CALCA: variants seen among roughly 807,000 people sequenced by gnomAD.
CALCA encodes calcitonin.
Under a neutral mutation model 6.9 loss-of-function variants are expected in CALCA, and 4 were observed. The observed-to-expected ratio is 0.58, with a 90% CI of 0.29 to 1.33. CALCA has a LOEUF of 1.33. Ranked by LOEUF, CALCA falls within the 40% of genes most tolerant of loss-of-function variation. CALCA has a pLI of 0.09. For synonymous variants in CALCA, 78 were observed against 70.0 expected (o/e 1.11, Z -0.57); for missense variants, 174 against 178.3 (o/e 0.98, Z 0.14).
Position 14,968,677 on chromosome 11 carries a change from A to G in CALCA, c.*122T>C, listed in dbSNP as rs1451176981. The G allele has an allele frequency of 7.5e-6, 12 of 1,608,948 alleles. No homozygotes were observed. The African/African-American group carries it at 9.4e-5, about 13-fold the overall frequency. ...TTTCCTCCCATCTGAAGTTTGAGACATCCTCTGCCACAAGGAAAGCCACCA... is the reference window on the plus strand; with the variant it reads ...TTTCCTCCCATCTGAAGTTTGAGACGTCCTCTGCCACAAGGAAAGCCACCA... On this transcript the variant is annotated 3_prime_UTR_variant, in exon 4 of 4. Transcript: ENST00000331587.
At chr11:14,967,153 C>T (rs1047655438), downstream of CALCA, 4 of 157,522 alleles carry the variant, frequency 2.5e-5, no homozygotes, top group Admixed American at 2.4e-4. Flanking sequence ...AATTGTCAGA[C>T]TTAACATCTA....
intron 2 of CALCA, among the ~76,000 whole-genome samples, chr11:14,970,833 G>A (rs1372532170): frequency 6.6e-6 from 1 of 152,120 alleles, no homozygotes; most frequent in Non-Finnish European, 1.5e-5. Context: ...CCAGGAGATG[G>A]AAGTTGCAGT....
At position 14,969,986 on chromosome 11, in the gene CALCA, A is replaced by G. The variant is rs1555026112; in HGVS notation, c.176T>C (p.Val59Ala). The G allele has an allele frequency of 6.2e-7, 1 of 1,614,032 alleles. No homozygotes were observed. Among genetic ancestry groups the G allele is most frequent in the South Asian group, 1.1e-5 (1 of 91,070 alleles). ...LLLAALVQDYVQMKASELEQE... is the reference protein window; with the variant it reads ...LLLAALVQDYAQMKASELEQE... ...CTCCAGCTCACTGGCCTTCATCTGC[A>G]CATAGTCCTGCACCAGTGCAGCCAG... The change falls in exon 3 of 4, where the codon GTG (valine) becomes GCG (alanine). Residue 59 changes from valine (V) to alanine (A), a missense_variant. Coordinates refer to ENST00000331587, the MANE Select transcript of CALCA (RefSeq NM_001741.3).
chr11:14,969,747 G>C (rs1043123939), intron 3 of CALCA, among the ~76,000 whole-genome samples, 188 bp downstream of exon 3: 1 of 152,078 alleles, frequency 6.6e-6, no homozygotes, highest in African/African-American at 2.4e-5. Context: ...GTCTAACCAC[G>C]GTACCTCCAG....
At chr11:14,967,478 G>C (rs781794413), downstream of CALCA, among the ~76,000 whole-genome samples, 16 of 152,148 alleles carry the variant, frequency 1.1e-4, no homozygotes, top group Non-Finnish European at 2.2e-4. Flanking sequence ...TGATCTCAGG[G>C]TTACAAGGAG....
chr11:14,967,512 C>A (rs1849483293), downstream of CALCA, among the ~76,000 whole-genome samples: 2 of 152,146 alleles, frequency 1.3e-5, no homozygotes, highest in African/African-American at 4.8e-5. Context: ...AGAGATGAAT[C>A]CAAATTCTAG....
At chr11:14,971,965 G>C (rs1047710347) in intron 1 of CALCA, among the ~76,000 whole-genome samples, 3 of 152,186 alleles carry the variant, frequency 2.0e-5, no homozygotes, top group Non-Finnish European at 4.4e-5. Context: ...TCTGTGCGCG[G>C]TCCCTGGGGA....
intron 2 of CALCA, 37 bp from the exon 3 acceptor site, chr11:14,970,112 C>A (rs782482262): frequency 3.1e-6 from 5 of 1,610,778 alleles, no homozygotes; most frequent in Non-Finnish European, 4.2e-6. Context: ...AGGCTGTGAG[C>A]CCCTGCCTGC....
chr11:14,971,321 A>T, intron 1 of CALCA, 120 bp from the exon 2 acceptor site: 1 of 738,428 alleles, frequency 1.4e-6, no homozygotes, highest in South Asian at 1.5e-5. Context: ...GTGGCTTCAG[A>T]CTGGTCATTA....
rs138328117 is a variant in CALCA at position 14,970,027 on chromosome 11, G to C, written c.135C>G (p.Asp45Glu). The C allele has an allele frequency of 4.3e-6, 7 of 1,614,106 alleles. No homozygotes were observed. In the African/African-American group the frequency reaches 8.0e-5, roughly 18 times the overall value. Residue 45 changes from aspartate to glutamate, a missense_variant, in exon 3 of 4, where the codon GAC becomes GAG. Transcript: ENST00000331587. ...SPADPATLSE[D>E]EARLLLAALV... ...GTGCAGCCAGCAGGAGGCGCGCTTC[G>C]TCCTCACTGAGCGTGGCCGGGTCTG... is the stretch of plus-strand genomic sequence containing the variant.
chr11:14,971,766 A>G (rs1849611445), intron 1 of CALCA, among the ~76,000 whole-genome samples: 1 of 152,198 alleles, frequency 6.6e-6, no homozygotes, highest in Non-Finnish European at 1.5e-5. Flanking sequence ...GGGACCCAAG[A>G]CTTTCTCTCT....
intron 1 of CALCA, among the ~76,000 whole-genome samples, chr11:14,971,771 C>G (rs1334793360): frequency 6.6e-6 from 1 of 152,240 alleles, no homozygotes; most frequent in Non-Finnish European, 1.5e-5. Context: ...CCAAGACTTT[C>G]TCTCTTTGCT....
At chr11:14,971,241 G>A in intron 1 of CALCA, 40 bp from the exon 2 acceptor site, 1 of 1,375,636 alleles carries the variant, frequency 7.3e-7, no homozygotes, top group Non-Finnish European at 1.0e-6. Context: ...GCGCCAGTTC[G>A]AAGTTCTAGG....
Position 14,968,879 on chromosome 11 carries a change from G to T in CALCA, c.346C>A (p.Pro116Thr), listed in dbSNP as rs1555025843. 1.2e-6 allele frequency: 2 copies of T among 1,614,176 alleles called. No individual in the cohort carries two copies. Among genetic ancestry groups the T allele is most frequent in the Admixed American group, 1.7e-5 (1 of 60,030 alleles). The change falls in exon 4 of 4, where the codon CCT (proline) becomes ACT (threonine). Residue 116 changes from proline (P) to threonine (T), a missense_variant. Coordinates refer to ENST00000331587, the MANE Select transcript of CALCA (RefSeq NM_001741.3). ...CTGGACATATCCCTTTTCTTTCCAGGTGCTCCAACCCCAATTGCAGTTTGG... is the reference window on the plus strand; with the variant it reads ...CTGGACATATCCCTTTTCTTTCCAGTTGCTCCAACCCCAATTGCAGTTTGG... ...FPQTAIGVGA[P>T]GKKRDMSSDL...
chr11:14,969,498 G>A (rs1157489031), intron 3 of CALCA, among the ~76,000 whole-genome samples: 6 of 152,178 alleles, frequency 3.9e-5, no homozygotes, highest in Non-Finnish European at 7.3e-5. Flanking sequence ...CCTTGCAAAT[G>A]TGAAATGAAA....
chr11:14,968,558 G>A lies in CALCA; in HGVS notation c.*241C>T. On this transcript the variant is annotated 3_prime_UTR_variant, in exon 4 of 4. Transcript: ENST00000331587. ...TCAGCACATTCAGAAGCAGGACAGA[G>A]GAGCTCTGATGACATCTCTGGGGGA... 2.1e-6 allele frequency: 3 copies of A among 1,413,648 alleles called. No individual in the cohort carries two copies. Among genetic ancestry groups the A allele is most frequent in the South Asian group, 2.9e-5 (2 of 68,030 alleles). The allele number at this position is 1,413,648 out of a possible 1,614,324, so 87.6% of individuals were successfully genotyped here.
rs782801116 is a variant in CALCA at position 14,969,000 on chromosome 11, G to T, written c.228-3C>A. 1.9e-6 allele frequency: 3 copies of T among 1,612,922 alleles called. No homozygotes were observed. The highest frequency in any genetic ancestry group is 1.1e-5 in the South Asian group (1 of 91,034). ...GCTTAGATCTGGGGCTGTCCAGGCT[G>T]CAGGGAAAACACATACCAGACAGTA... On this transcript the variant is annotated splice_polypyrimidine_tract_variant and splice_region_variant and intron_variant, in intron 3 of 3. Transcript: ENST00000331587.
chr11:14,971,089 G>A lies in CALCA; in HGVS notation c.86+18C>T, dbSNP rs544664141. The A allele has an allele frequency of 1.2e-6, 2 of 1,605,876 alleles. No individual in the cohort carries two copies. Among genetic ancestry groups the A allele is most frequent in the South Asian group, 2.2e-5 (2 of 90,896 alleles). On this transcript the variant is annotated intron_variant, in intron 2 of 3. Transcript: ENST00000331587. ...AATTGTCTGATACCAGTGTGGTTCTGGCTTCAGGCTGTCTTACCTGAATGG... is the reference window on the plus strand; with the variant it reads ...AATTGTCTGATACCAGTGTGGTTCTAGCTTCAGGCTGTCTTACCTGAATGG...
chr11:14,970,032 C>A lies in CALCA; in HGVS notation c.130G>T (p.Glu44Ter). ...SSPADPATLS[E>*]DEARLLLAAL... is the part of the protein sequence containing the mutation. ...GCCAGCAGGAGGCGCGCTTCGTCCT[C>A]ACTGAGCGTGGCCGGGTCTGCTGGG... is the stretch of plus-strand genomic sequence containing the variant. The change falls in exon 3 of 4, where the codon GAG becomes TAG. Residue 44 changes from glutamate to a stop codon, truncating the protein, a stop_gained. Transcript: ENST00000331587. LOFTEE classifies it high-confidence loss of function. 6.2e-7 allele frequency: 1 copy of A among 1,614,252 alleles called. No individual in the cohort carries two copies. The highest frequency in any genetic ancestry group is 8.5e-7 in the Non-Finnish European group (1 of 1,180,042).
Sources: allele counts gnomAD v4.1 joint callset (sites outside exome capture counted in the v4.1 genomes callset), GRCh38; gene constraint gnomAD v4.1.1; transcripts MANE v1.5; gene names NCBI Gene and HGNC (gene_info 2026-07-23, HGNC 2026-07-21).